Variants in CRISP2 observed in about 807,000 individuals in gnomAD.
The protein encoded by CRISP2 is cysteine rich secretory protein 2, also known as cysteine-rich secretory protein 2.
A neutral mutation model predicts 31.7 loss-of-function variants in CRISP2; 29 were observed. The observed-to-expected ratio is 0.92, with a 90% CI of 0.68 to 1.25. The LOEUF is 1.25. CRISP2 is among the 50% of genes most tolerant of loss of function. CRISP2 has a pLI of 0.00. For missense variants in CRISP2, 318 were observed against 286.5 expected (o/e 1.11, Z -0.79); for synonymous variants, 111 against 101.4 (o/e 1.09, Z -0.57).
intron 3 of CRISP2, among the ~76,000 whole-genome samples, chr6:49,710,148 C>T (rs116389178): frequency 0.012 from 1,767 of 152,282 alleles, 34 homozygotes; most frequent in African/African-American, 0.04. Flanking sequence ...TGTGATGCTT[C>T]TCAGGCTTCA....
chr6:49,705,538 G>C (rs1432173785), intron 4 of CRISP2, among the ~76,000 whole-genome samples: 1 of 152,064 alleles, frequency 6.6e-6, no homozygotes, highest in Non-Finnish European at 1.5e-5. Flanking sequence ...CAGAATCCCA[G>C]ATCTGCCCAG....
chr6:49,698,068 C>A, intron 7 of CRISP2, 111 bp from the exon 8 acceptor site: 2 of 823,244 alleles, frequency 2.4e-6, no homozygotes, highest in Non-Finnish European at 3.7e-6. Context: ...AGACATATAC[C>A]ATAAAAATAT....
At chr6:49,702,461 C>T (rs894337025) in intron 4 of CRISP2, among the ~76,000 whole-genome samples, 15 of 151,592 alleles carry the variant, frequency 9.9e-5, no homozygotes, top group Non-Finnish European at 1.8e-4. Context: ...CACATCCACA[C>T]CGGTATCTAT....
rs1373803708 is a variant in CRISP2 at position 49,700,769 on chromosome 6, C to T, written c.82G>A (p.Ala28Thr). The T allele has an allele frequency of 1.9e-6, 3 of 1,607,602 alleles. No individual in the cohort carries two copies. In the South Asian group the frequency reaches 3.3e-5, roughly 18 times the overall value. Reference protein sequence around the residue: ...PAEGKDPAFTALLTTQLQVQR... With the variant: ...PAEGKDPAFTTLLTTQLQVQR... ...ACTTGCAACTGGGTGGTTAACAAAG[C>T]AGTAAAAGCGGGATCCTAAAAGAAA... Residue 28 changes from alanine to threonine, a missense_variant, in exon 5 of 10, where the codon GCT becomes ACT. Transcript: ENST00000339139.
chr6:49,690,330 G>A (rs1393303815), downstream of CRISP2, among the ~76,000 whole-genome samples: 1 of 152,022 alleles, frequency 6.6e-6, no homozygotes, highest in Non-Finnish European at 1.5e-5. Context: ...TTTCATGAAA[G>A]AAACCCAAAC....
chr6:49,685,212 C>T, the CRISP2 span, among the ~76,000 whole-genome samples: 9 of 152,226 alleles, frequency 5.9e-5, no homozygotes, highest in Non-Finnish European at 8.8e-5. Context: ...GAAATTTCCT[C>T]TAACTTAAAG....
Position 49,697,714 on chromosome 6 carries a change from G to T in CRISP2, c.515+146C>A, listed in dbSNP as rs542916020. The T allele has an allele frequency of 3.3e-6, 5 of 1,529,108 alleles. No individual in the cohort carries two copies. The African/African-American group carries it at 5.5e-5, about 17-fold the overall frequency. 94.7% of individuals were successfully genotyped at this position (1,529,108 alleles called of 1,614,324 possible). On this transcript the variant is annotated intron_variant, in intron 8 of 9. Coordinates refer to ENST00000339139, the MANE Select transcript of CRISP2 (RefSeq NM_003296.4). ...GTTGTTCTCCTCTGAGAAGTTGAAA[G>T]TGTCTCAACCTTAAAAAACATTTCC...
At chr6:49,708,710 T>G (rs1242134850) in intron 4 of CRISP2, among the ~76,000 whole-genome samples, 1 of 152,206 alleles carries the variant, frequency 6.6e-6, no homozygotes, top group Non-Finnish European at 1.5e-5. Flanking sequence ...TATAAGCCAC[T>G]TAGCTTGTGA....
chr6:49,682,650 C>CT, the CRISP2 span, among the ~76,000 whole-genome samples: 26 of 72,518 alleles, frequency 3.6e-4, no homozygotes, highest in South Asian at 6.1e-4. Context: ...TTTCTTCTTT[C>CT]TTTCTTTTCT....
intron 4 of CRISP2, among the ~76,000 whole-genome samples, chr6:49,706,129 C>T (rs1254146454): frequency 1.3e-5 from 2 of 152,156 alleles, no homozygotes; most frequent in African/African-American, 4.8e-5. Flanking sequence ...TTTATAACTA[C>T]AAGCATACAA....
chr6:49,682,738 T>G, the CRISP2 span, among the ~76,000 whole-genome samples: 1 of 148,894 alleles, frequency 6.7e-6, no homozygotes, highest in African/African-American at 2.5e-5. Flanking sequence ...TTTTTCTTTC[T>G]TTTTTCTTCC....
At chr6:49,697,160 T>C (rs1764909578) in intron 8 of CRISP2, among the ~76,000 whole-genome samples, 1 of 152,196 alleles carries the variant, frequency 6.6e-6, no homozygotes, top group South Asian at 2.1e-4. Flanking sequence ...CTAAATTTGA[T>C]ATTGTGAATA....
the CRISP2 span, among the ~76,000 whole-genome samples, chr6:49,686,330 T>A: frequency 6.6e-6 from 1 of 152,204 alleles, no homozygotes; most frequent in Non-Finnish European, 1.5e-5. Context: ...ATCTTGCACA[T>A]ATGTATTTTC....
chr6:49,708,023 A>G (rs903733603), intron 4 of CRISP2, among the ~76,000 whole-genome samples: 1 of 152,168 alleles, frequency 6.6e-6, no homozygotes, highest in Non-Finnish European at 1.5e-5. Flanking sequence ...TCTTAATTAA[A>G]AATATAAATC....
chr6:49,690,894 A>C (rs907052151), downstream of CRISP2, among the ~76,000 whole-genome samples: 1 of 152,166 alleles, frequency 6.6e-6, no homozygotes, highest in South Asian at 2.1e-4. Context: ...TAGTGGGAGA[A>C]AAAGTGTTTT....
the CRISP2 span, among the ~76,000 whole-genome samples, chr6:49,685,692 T>C: frequency 6.6e-6 from 1 of 152,188 alleles, no homozygotes; most frequent in Non-Finnish European, 1.5e-5. Context: ...AACATTTGTT[T>C]GCAGTTTTTA....
chr6:49,700,761 T>C lies in CRISP2; in HGVS notation c.90A>G (p.Leu30=). ...CCCTTTGCACTTGCAACTGGGTGGT[T>C]AACAAAGCAGTAAAAGCGGGATCCT... is the stretch of plus-strand genomic sequence containing the variant. The part of the protein sequence containing the change: ...EGKDPAFTAL[L]TTQLQVQREI... The change falls in exon 5 of 10, where the codon TTA becomes TTG. Residue 30 remains leucine, a synonymous_variant. Transcript: ENST00000339139. 8.1e-6 allele frequency: 13 copies of C among 1,611,000 alleles called. No individual in the cohort carries two copies. The highest frequency in any genetic ancestry group is 1.0e-5 in the Non-Finnish European group (12 of 1,177,928).
chr6:49,695,810 T>C (rs1449259680), intron 9 of CRISP2, 26 bp downstream of exon 9: 1 of 1,412,048 alleles, frequency 7.1e-7, no homozygotes, highest in East Asian at 2.3e-5. Context: ...TAATAAATAA[T>C]AGCAAGCTAA....
At position 49,695,865 on chromosome 6, in the gene CRISP2, C is replaced by G. The variant is rs200241152; in HGVS notation, c.575G>C (p.Cys192Ser). 6.2e-7 allele frequency: 1 copy of G among 1,613,092 alleles called. No homozygotes were observed. Among genetic ancestry groups the G allele is most frequent in the African/African-American group, 1.3e-5 (1 of 74,894 alleles). The change falls in exon 9 of 10, where the codon TGC becomes TCC. Residue 192 changes from cysteine to serine, a missense_variant. Physicochemically the swap from Cys to Ser is moderately radical, Grantham distance 112. Coordinates refer to ENST00000339139, the MANE Select transcript of CRISP2 (RefSeq NM_003296.4). ...TAGTCCTTTGTCACAGTCATCAGGG[C>G]AACCGGCACAAGGTGTTCCTTGTTG... ...PYQQGTPCAG[C>S]PDDCDKGLCT...
Sources: gnomAD v4.1 joint callset for allele counts (sites outside exome capture counted in the v4.1 genomes callset) on GRCh38, gnomAD v4.1.1 for gene constraint, MANE v1.5 for transcripts, NCBI Gene and HGNC (gene_info 2026-07-23, HGNC 2026-07-21) for gene names.